CSMD3: variants seen among roughly 807,000 people sequenced by gnomAD.
CSMD3 encodes CUB and sushi domain-containing protein 3.
In CSMD3, 177 loss-of-function variants were observed where a neutral mutation model predicts 435.2. That is an observed-to-expected ratio of 0.41 (90% CI 0.36 to 0.46). CSMD3 has a LOEUF of 0.46. Ranked by LOEUF, CSMD3 falls within the 20% of genes least tolerant of loss-of-function variation. The pLI is 0.34. For missense variants in CSMD3, 4,265 were observed against 4,504.6 expected (o/e 0.95, Z 1.52); for synonymous variants, 1,656 against 1,520.5 (o/e 1.09, Z -2.07).
intron 5 of CSMD3, among the ~76,000 whole-genome samples, chr8:113,030,082 G>A (rs2087028414): frequency 6.6e-6 from 1 of 151,212 alleles, no homozygotes; most frequent in African/African-American, 2.4e-5. Context: ...GGAATTGAAA[G>A]ACCTCTGCAA....
chr8:112,521,842 AT>A (rs1824316453), intron 27 of CSMD3, among the ~76,000 whole-genome samples: 1 of 151,846 alleles, frequency 6.6e-6, no homozygotes, highest in Non-Finnish European at 1.5e-5. Context: ...AAAAATAAGT[AT>A]AAAATTTCAC....
chr8:112,830,389 C>CTATG (rs2079834624), intron 11 of CSMD3, among the ~76,000 whole-genome samples: 1 of 152,094 alleles, frequency 6.6e-6, no homozygotes, highest in Non-Finnish European at 1.5e-5. Flanking sequence ...GAGAGGCACA[C>CTATG]TATACCATGC....
intron 4 of CSMD3, among the ~76,000 whole-genome samples, chr8:113,158,474 C>T (rs2091976065): frequency 6.6e-6 from 1 of 151,766 alleles, no homozygotes; most frequent in Admixed American, 6.6e-5. Flanking sequence ...AATAGAATAC[C>T]ATCACTTGAA....
intron 16 of CSMD3, among the ~76,000 whole-genome samples, chr8:112,675,971 G>A (rs1435505456): frequency 1.3e-5 from 2 of 152,040 alleles, no homozygotes; most frequent in Non-Finnish European, 1.5e-5. Flanking sequence ...ATTATCTATG[G>A]TTATGACAGA....
At chr8:112,415,155 C>T (rs1000694891) in intron 32 of CSMD3, among the ~76,000 whole-genome samples, 8 of 152,236 alleles carry the variant, frequency 5.3e-5, no homozygotes, top group African/African-American at 1.9e-4. Flanking sequence ...AAGCCCCTCC[C>T]ATCAAAGGCC....
At chr8:113,335,565 G>GTTTTTTTTTTTTTTTTTTT (rs1263100966) in intron 1 of CSMD3, among the ~76,000 whole-genome samples, 1 of 98,126 alleles carries the variant, frequency 1.0e-5, no homozygotes, top group Non-Finnish European at 1.9e-5. Context: ...TTTTTTTTGG[G>GTTTTTTTTTTTTTTTTTTT]TATTTACATG....
intron 70 of CSMD3, among the ~76,000 whole-genome samples, chr8:112,225,617 C>A (rs895640063): frequency 6.6e-6 from 1 of 152,082 alleles, no homozygotes; most frequent in African/African-American, 2.4e-5. Context: ...CTGAAGAGTA[C>A]ACAATTAATG....
chr8:112,822,203 T>A (rs988644623), intron 12 of CSMD3, among the ~76,000 whole-genome samples: 1 of 152,190 alleles, frequency 6.6e-6, no homozygotes, highest in African/African-American at 2.4e-5. Flanking sequence ...AATGGTAGTT[T>A]GATGGAGATA....
intron 38 of CSMD3, among the ~76,000 whole-genome samples, chr8:112,363,417 T>C (rs73700662): frequency 0.038 from 5,773 of 151,910 alleles, 358 homozygotes; most frequent in African/African-American, 0.13. Context: ...GCTCTAGTAG[T>C]ATTAATACAA....
At chr8:112,729,662 A>G (rs1208800281) in intron 13 of CSMD3, among the ~76,000 whole-genome samples, 1 of 152,078 alleles carries the variant, frequency 6.6e-6, no homozygotes, top group Non-Finnish European at 1.5e-5. Context: ...AGAGAGAGGA[A>G]AAAATAATCA....
chr8:112,704,117 G>T (rs1056815273), intron 13 of CSMD3, among the ~76,000 whole-genome samples: 2 of 151,888 alleles, frequency 1.3e-5, no homozygotes, highest in Non-Finnish European at 2.9e-5. Flanking sequence ...AGCAAATAGA[G>T]ACACTCTAAA....
rs200953289 is a variant in CSMD3 at position 113,017,087 on chromosome 8, C to A, written c.1030+1980G>T. 2.4e-4 allele frequency among the ~76,000 whole-genome samples: 37 copies of A among 152,048 alleles called. 1 individual carries two copies. In the East Asian group the frequency reaches 6.4e-3, roughly 26 times the overall value. ...TTCAATTTTCTTAACCACTGCATTT[C>A]CTCTGTTATATCGATATAAATCCCA... On this transcript the variant is annotated intron_variant, in intron 6 of 70. Transcript: ENST00000297405.
chr8:112,450,576 C>A (rs1816146007), intron 32 of CSMD3, among the ~76,000 whole-genome samples: 1 of 152,174 alleles, frequency 6.6e-6, no homozygotes, highest in Non-Finnish European at 1.5e-5. Context: ...CAGACCAGTA[C>A]AAACCTTACA....
intron 45 of CSMD3, among the ~76,000 whole-genome samples, chr8:112,326,634 T>G (rs1359326485): frequency 6.6e-6 from 1 of 152,238 alleles, no homozygotes; most frequent in African/African-American, 2.4e-5. Flanking sequence ...CAATCTGACG[T>G]GACCTTCCTC....
intron 1 of CSMD3, among the ~76,000 whole-genome samples, chr8:113,427,102 T>C (rs1219374415): frequency 6.6e-6 from 1 of 151,406 alleles, no homozygotes; most frequent in Non-Finnish European, 1.5e-5. Context: ...AAAGCTTTAA[T>C]AATGCATGTA....
chr8:112,738,879 C>A (rs1420044589), intron 13 of CSMD3, among the ~76,000 whole-genome samples: 1 of 151,594 alleles, frequency 6.6e-6, no homozygotes, highest in Non-Finnish European at 1.5e-5. Flanking sequence ...TTGCAGAATT[C>A]TGGACAGTTT....
intron 28 of CSMD3, among the ~76,000 whole-genome samples, chr8:112,508,293 C>A (rs1439354056): frequency 2.0e-5 from 3 of 152,102 alleles, no homozygotes; most frequent in South Asian, 2.1e-4. Context: ...AAACACCCTG[C>A]CCCATATAAC....
chr8:113,332,759 C>T (rs2094037954), intron 1 of CSMD3, among the ~76,000 whole-genome samples: 1 of 151,442 alleles, frequency 6.6e-6, no homozygotes. Flanking sequence ...TTTTTAATTG[C>T]TAAAATTGAC....
rs995871749 is a variant in CSMD3 at position 112,318,873 on chromosome 8, G to A, written c.7324C>T (p.Arg2442Ter). 1.2e-6 allele frequency: 2 copies of A among 1,612,148 alleles called. No individual in the cohort carries two copies. The highest frequency in any genetic ancestry group is 1.7e-6 in the Non-Finnish European group (2 of 1,179,162). Residue 2442 changes from arginine (R) to a stop codon, truncating the protein, a stop_gained, in exon 47 of 71, where the codon CGA becomes TGA. Transcript: ENST00000297405. LOFTEE classifies it high-confidence loss of function. ...GGAGGTGCTCCATCCATCTGCAGTCGTTCTCCTAATCTGCACGTCAGAATT... is the reference window on the plus strand; with the variant it reads ...GGAGGTGCTCCATCCATCTGCAGTCATTCTCCTAATCTGCACGTCAGAATT... Reference protein sequence around the residue: ...NAILTCRLGERLQMDGAPPVC... With the variant: ...NAILTCRLGE
Sources: allele counts gnomAD v4.1 joint callset (sites outside exome capture counted in the v4.1 genomes callset), GRCh38; gene constraint gnomAD v4.1.1; transcripts MANE v1.5; gene names NCBI Gene and HGNC (gene_info 2026-07-23, HGNC 2026-07-21).